Variants in PCDH7 observed in about 807,000 individuals in gnomAD.
PCDH7 encodes protocadherin 7.
A neutral mutation model predicts 58.9 loss-of-function variants in PCDH7; 17 were observed. The ratio of observed to expected loss-of-function variants is 0.29; its 90% CI spans 0.20 to 0.43. The LOEUF (loss-of-function observed/expected upper bound fraction) is 0.43. Among genes scored for constraint, PCDH7 ranks in the 20% least tolerant of loss-of-function variants. PCDH7 has a pLI of 1.00. For synonymous variants in PCDH7, 664 were observed against 616.4 expected (o/e 1.08, Z -1.14); for missense variants, 1,274 against 1,441.0 (o/e 0.88, Z 1.88).
chr4:31,015,936 C>T (rs77681126), intron 3 of PCDH7, among the ~76,000 whole-genome samples: 3 of 152,254 alleles, frequency 2.0e-5, no homozygotes, highest in Non-Finnish European at 2.9e-5. Context: ...CATGTGTACA[C>T]GCTTTCAGTT....
intron 3 of PCDH7, among the ~76,000 whole-genome samples, chr4:31,002,702 T>C (rs1218117124): frequency 6.6e-6 from 1 of 152,180 alleles, no homozygotes; most frequent in Non-Finnish European, 1.5e-5. Flanking sequence ...ATGAAATAAT[T>C]ATTGCTTGAG....
rs76798408 is a variant in PCDH7 at position 30,740,077 on chromosome 4, A to C, written c.70+15481A>C. The stretch of plus-strand genomic sequence containing the variant: ...TTTAGTTTTCGAAGCAATGTGCAGC[A>C]GCGTTAAGTAACTTGCTCATGGTCA... On this transcript the variant is annotated intron_variant, in intron 1 of 3. Transcript: ENST00000509759. 4.1e-3 allele frequency among the ~76,000 whole-genome samples: 629 copies of C among 152,352 alleles called. 4 individuals are homozygous for C. Among genetic ancestry groups the C allele is most frequent in the African/African-American group, 0.014 (584 of 41,586 alleles).
At chr4:30,866,652 C>A (rs1185935481) in intron 1 of PCDH7, among the ~76,000 whole-genome samples, 1 of 151,634 alleles carries the variant, frequency 6.6e-6, no homozygotes, top group African/African-American at 2.4e-5. Context: ...TGCTTTCTGG[C>A]CATGGCCATA....
chr4:31,055,544 G>C (rs942241985), intron 3 of PCDH7, among the ~76,000 whole-genome samples: 1 of 152,026 alleles, frequency 6.6e-6, no homozygotes, highest in Non-Finnish European at 1.5e-5. Context: ...TCCTAGAGTT[G>C]AGCCTTATAA....
intron 3 of PCDH7, among the ~76,000 whole-genome samples, chr4:31,101,272 C>T (rs1030790791): frequency 1.3e-5 from 2 of 151,958 alleles, no homozygotes; most frequent in Non-Finnish European, 2.9e-5. Context: ...TGCATTAAGC[C>T]CTCAGTAAAA....
At chr4:31,144,864 A>G (rs1257353322), downstream of PCDH7, 2 of 152,136 alleles carry the variant, frequency 1.3e-5, no homozygotes, top group African/African-American at 4.8e-5. Context: ...TTTGATTATT[A>G]TTTACACTAT....
At chr4:31,042,389 A>G (rs1755942658) in intron 3 of PCDH7, among the ~76,000 whole-genome samples, 1 of 152,134 alleles carries the variant, frequency 6.6e-6, no homozygotes, top group African/African-American at 2.4e-5. Flanking sequence ...TGTATTAATG[A>G]CTGTTAATTA....
Position 31,123,418 on chromosome 4 carries a change from G to A in PCDH7, c.*8-19055G>A, listed in dbSNP as rs753189474. On this transcript the variant is annotated intron_variant, in intron 3 of 3. Transcript: ENST00000509759. ...CTTGACCCCCTTGGACTTCTGAAAG[G>A]GGTGGCTTGTTTACTCAGCTGCCAC... 5.1e-4 allele frequency among the ~76,000 whole-genome samples: 78 copies of A among 152,236 alleles called. No homozygotes were observed. In the Middle Eastern group the frequency reaches 0.014, roughly 27 times the overall value.
chr4:30,862,783 T>C (rs1734364303), intron 1 of PCDH7, among the ~76,000 whole-genome samples: 1 of 152,118 alleles, frequency 6.6e-6, no homozygotes, highest in South Asian at 2.1e-4. Flanking sequence ...TAGTCTTTCT[T>C]ACTTGAAATG....
intron 3 of PCDH7, among the ~76,000 whole-genome samples, chr4:31,126,539 A>G (rs980400972): frequency 1.1e-4 from 17 of 152,258 alleles, no homozygotes; most frequent in African/African-American, 4.1e-4. Flanking sequence ...TTAATCCTGG[A>G]AACTTCTTGC....
Position 30,752,035 on chromosome 4 carries a change from G to T in PCDH7, c.70+27439G>T, listed in dbSNP as rs538004669. On this transcript the variant is annotated intron_variant, in intron 1 of 3. Transcript: ENST00000509759. ...TAGACATAAAAAACTAAAAGAGCAT[G>T]ATTGTCATTGAAAAAGAATATGTCT... 4.2e-4 allele frequency among the ~76,000 whole-genome samples: 64 copies of T among 152,260 alleles called. 3 individuals carry two copies. The highest frequency in any genetic ancestry group is 1.4e-3 in the African/African-American group (59 of 41,566).
chr4:30,890,323 G>A (rs1345414782), intron 1 of PCDH7, among the ~76,000 whole-genome samples: 3 of 151,788 alleles, frequency 2.0e-5, no homozygotes, highest in African/African-American at 7.3e-5. Context: ...CTGAAGTTGA[G>A]GTGATAGAAA....
intron 3 of PCDH7, among the ~76,000 whole-genome samples, chr4:30,989,499 T>A (rs1025520854): frequency 1.6e-4 from 24 of 152,298 alleles, no homozygotes; most frequent in African/African-American, 5.8e-4. Context: ...GTAATTTGCA[T>A]TATGCCTGAA....
chr4:31,032,592 A>T (rs1310042272), intron 3 of PCDH7, among the ~76,000 whole-genome samples: 1 of 142,042 alleles, frequency 7.0e-6, no homozygotes, highest in African/African-American at 2.6e-5. Flanking sequence ...TGGGTGATAG[A>T]GTCAGATTCT....
intron 1 of PCDH7, among the ~76,000 whole-genome samples, chr4:30,749,534 G>C (rs1198294975): frequency 6.6e-6 from 1 of 152,142 alleles, no homozygotes; most frequent in South Asian, 2.1e-4. Flanking sequence ...TTGCCTGGTG[G>C]TCTTTTTTCT....
rs954858484 is a variant in PCDH7 at position 30,808,600 on chromosome 4, CT to C, written c.70+84012del. Among the ~76,000 whole-genome samples, 464 of 151,942 alleles carry C rather than the reference CT, an allele frequency of 3.1e-3. 6 individuals carry two copies. The highest frequency in any genetic ancestry group is 3.8e-3 in the Non-Finnish European group (258 of 67,946). ...CTTCTGTTTTTCATATAAGCAATTA[CT>C]TTTTTTTGTGGGGAAAAATACATAT... is the stretch of plus-strand genomic sequence containing the variant. On this transcript the variant is annotated intron_variant, in intron 1 of 3. Transcript: ENST00000509759.
In PCDH7 at chr4:30,876,032, T is replaced by C. The variant is rs577533992; in HGVS notation, c.71-44121T>C. Among the ~76,000 whole-genome samples, 8 of 152,224 alleles carry C rather than the reference T, an allele frequency of 5.3e-5. 1 individual carries two copies. The highest frequency in any genetic ancestry group is 1.9e-4 in the African/African-American group (8 of 41,564). ...TATTTGTTAACTGTAACCAAGTAGATCTGTAATATGTCTAAGTACTGATGG... is the reference window on the plus strand; with the variant it reads ...TATTTGTTAACTGTAACCAAGTAGACCTGTAATATGTCTAAGTACTGATGG... On this transcript the variant is annotated intron_variant, in intron 1 of 3. Coordinates refer to the PCDH7 transcript ENST00000509759.
At chr4:31,010,925 A>G (rs888638332) in intron 3 of PCDH7, among the ~76,000 whole-genome samples, 3 of 152,044 alleles carry the variant, frequency 2.0e-5, no homozygotes, top group African/African-American at 4.8e-5. Flanking sequence ...ACAACACATT[A>G]TAGGTACTGG....
intron 3 of PCDH7, among the ~76,000 whole-genome samples, chr4:30,965,183 T>G (rs1748890404): frequency 6.6e-6 from 1 of 152,196 alleles, no homozygotes; most frequent in South Asian, 2.1e-4. Flanking sequence ...ATTTACATTT[T>G]AATCATACAT....
Sources: gnomAD v4.1 joint callset for allele counts (sites outside exome capture counted in the v4.1 genomes callset) on GRCh38, gnomAD v4.1.1 for gene constraint, MANE v1.5 for transcripts, NCBI Gene and HGNC (gene_info 2026-07-23, HGNC 2026-07-21) for gene names.